The following NEMP2 variants were observed in gnomAD, a reference collection of about 807,000 sequenced individuals.
The protein encoded by NEMP2 is nuclear envelope integral membrane protein 2.
In NEMP2, 53 loss-of-function variants were observed where a neutral mutation model predicts 54.2. That is an observed-to-expected ratio of 0.98 (90% CI 0.78 to 1.23). The LOEUF (loss-of-function observed/expected upper bound fraction) is 1.23. Among genes scored for constraint, NEMP2 ranks in the 50% most tolerant of loss-of-function variants. The pLI, the probability that NEMP2 is intolerant of heterozygous loss-of-function variation, is 0.00. For synonymous variants in NEMP2, 197 were observed against 190.3 expected (o/e 1.04, Z -0.29); for missense variants, 455 against 511.3 (o/e 0.89, Z 1.06).
At chr2:190,623,393 C>G in the NEMP2 span, among the ~76,000 whole-genome samples, 1 of 152,094 alleles carries the variant, frequency 6.6e-6, no homozygotes, top group African/African-American at 2.4e-5. Context: ...AAGCTGGAGG[C>G]ATCACACTAC....
chr2:190,538,217 C>T (rs565250629), upstream of NEMP2, among the ~76,000 whole-genome samples: 18 of 152,174 alleles, frequency 1.2e-4, 1 homozygote, highest in South Asian at 3.5e-3. The surrounding 1 kb of genome is among the most constrained non-coding windows in gnomAD (Gnocchi z 4.1). Flanking sequence ...TAAATGAGAA[C>T]ATGTGATATT....
the NEMP2 span, among the ~76,000 whole-genome samples, chr2:190,600,865 C>T: frequency 1.3e-5 from 2 of 152,090 alleles, no homozygotes; most frequent in Admixed American, 1.3e-4. This position sits in a 1 kb window ranked among gnomAD's most constrained non-coding sequence, Gnocchi z 4.9. Context: ...CGGTGGCAGC[C>T]ATGGCCCAAC....
the NEMP2 span, among the ~76,000 whole-genome samples, chr2:190,461,721 C>A: frequency 1.3e-5 from 2 of 152,194 alleles, no homozygotes; most frequent in Non-Finnish European, 2.9e-5. This position sits in a 1 kb window ranked among gnomAD's most constrained non-coding sequence, Gnocchi z 5.5. Flanking sequence ...GCTCCACTCT[C>A]ATGACTTAAT....
the NEMP2 span, among the ~76,000 whole-genome samples, chr2:190,557,657 G>T: frequency 2.0e-5 from 3 of 152,134 alleles, no homozygotes; most frequent in Non-Finnish European, 4.4e-5. Context: ...CAAAAAGTGG[G>T]CAAAGGATAT....
rs150143618 is a variant in NEMP2 at position 190,520,007 on chromosome 2, GCAC to G, written c.214-827_214-825del. Among the ~76,000 whole-genome samples, 6,276 of 152,004 alleles carry G rather than the reference GCAC, an allele frequency of 0.041. 194 individuals carry two copies. The highest frequency in any genetic ancestry group is 0.054 in the Non-Finnish European group (3,675 of 67,996). ...GTTTTTTTAAAGATATAATTCTATT[GCAC>G]CCTTAATAGACTAACAGTATAGTAG... On this transcript the variant is annotated intron_variant, in intron 2 of 8. Transcript: ENST00000409150. This position sits in a 1 kb window ranked among gnomAD's most constrained non-coding sequence, Gnocchi z 5.4.
In NEMP2 at chr2:190,513,101, C is replaced by A. The variant is rs1690427781; in HGVS notation, c.953+1352G>T. On this transcript the variant is annotated intron_variant, in intron 7 of 8. Coordinates refer to ENST00000409150, the MANE Select transcript of NEMP2 (RefSeq NM_001142645.2). This position sits in a 1 kb window ranked among gnomAD's most constrained non-coding sequence, Gnocchi z 5.3. Reference sequence around the variant, plus strand: ...ATAACTGTTCTCCTGCCACAGGGGCCTCCCCTTTATATCCACCTGCTGTGC... The same window carrying A: ...ATAACTGTTCTCCTGCCACAGGGGCATCCCCTTTATATCCACCTGCTGTGC... 6.6e-6 allele frequency among the ~76,000 whole-genome samples: 1 copy of A among 152,218 alleles called. No homozygotes were observed. Among genetic ancestry groups the A allele is most frequent in the Middle Eastern group, 3.2e-3 (1 of 316 alleles).
chr2:190,551,965 T>G, the NEMP2 span, among the ~76,000 whole-genome samples: 2 of 152,208 alleles, frequency 1.3e-5, no homozygotes, highest in African/African-American at 4.8e-5. Flanking sequence ...CCACTTGGTA[T>G]TTCTCTTTAG....
the NEMP2 span, among the ~76,000 whole-genome samples, chr2:190,549,999 T>A: frequency 6.6e-6 from 1 of 152,182 alleles, no homozygotes; most frequent in Non-Finnish European, 1.5e-5. Flanking sequence ...ACAAATAAAA[T>A]ATCTAATGAT....
the NEMP2 span, among the ~76,000 whole-genome samples, chr2:190,458,345 T>C: frequency 6.6e-6 from 1 of 152,010 alleles, no homozygotes; most frequent in African/African-American, 2.4e-5. This position sits in a 1 kb window ranked among gnomAD's most constrained non-coding sequence, Gnocchi z 5.3. Context: ...TGAGAAGAGA[T>C]TGGGGCCACA....
the NEMP2 span, among the ~76,000 whole-genome samples, chr2:190,563,877 C>T: frequency 6.6e-6 from 1 of 152,262 alleles, no homozygotes; most frequent in Non-Finnish European, 1.5e-5. The surrounding 1 kb of genome is among the most constrained non-coding windows in gnomAD (Gnocchi z 4.3). Context: ...CTGCCAAGGC[C>T]TCCCTACTCT....
rs1690910439 is a variant in NEMP2 at position 190,525,744 on chromosome 2, G to A, written c.98-366C>T. 6.6e-6 allele frequency among the ~76,000 whole-genome samples: 1 copy of A among 152,148 alleles called. No homozygotes were observed. Among genetic ancestry groups the A allele is most frequent in the South Asian group, 2.1e-4 (1 of 4,822 alleles). On this transcript the variant is annotated intron_variant, in intron 1 of 8. Transcript: ENST00000409150. This position sits in a 1 kb window ranked among gnomAD's most constrained non-coding sequence, Gnocchi z 5.0. Reference sequence around the variant, plus strand: ...CAGAAACTAGGAGGTGGGAGTGGGGGTGGGCAGAACCAGCAAGTATGTACA... The same window carrying A: ...CAGAAACTAGGAGGTGGGAGTGGGGATGGGCAGAACCAGCAAGTATGTACA...
the NEMP2 span, among the ~76,000 whole-genome samples, chr2:190,552,423 T>C: frequency 1.3e-5 from 2 of 152,210 alleles, no homozygotes; most frequent in African/African-American, 2.4e-5. Context: ...CAGAACCCAC[T>C]GAATAGATTA....
the NEMP2 span, among the ~76,000 whole-genome samples, chr2:190,490,558 C>A: frequency 1.4e-5 from 2 of 147,788 alleles, no homozygotes. The surrounding 1 kb of genome is among the most constrained non-coding windows in gnomAD (Gnocchi z 4.5). Context: ...GCAAGACTCC[C>A]TCTCAAAAAA....
the NEMP2 span, among the ~76,000 whole-genome samples, chr2:190,634,122 C>G: frequency 1.3e-5 from 2 of 152,102 alleles, no homozygotes; most frequent in African/African-American, 2.4e-5. This position sits in a 1 kb window ranked among gnomAD's most constrained non-coding sequence, Gnocchi z 6.8. Flanking sequence ...CAGGTATTTA[C>G]TATTTCAAAC....
chr2:190,497,600 A>G, the NEMP2 span: 1 of 1,614,082 alleles, frequency 6.2e-7, no homozygotes, highest in Admixed American at 1.7e-5. The surrounding 1 kb of genome is among the most constrained non-coding windows in gnomAD (Gnocchi z 5.2). Flanking sequence ...AGATGTGAAC[A>G]AACCAGCCTG....
chr2:190,562,315 A>T, the NEMP2 span, among the ~76,000 whole-genome samples: 1 of 152,144 alleles, frequency 6.6e-6, no homozygotes, highest in Non-Finnish European at 1.5e-5. This position sits in a 1 kb window ranked among gnomAD's most constrained non-coding sequence, Gnocchi z 5.0. Flanking sequence ...AGTCCCTCCC[A>T]TCTGCCCATA....
the NEMP2 span, among the ~76,000 whole-genome samples, chr2:190,545,215 G>T: frequency 6.8e-6 from 1 of 148,030 alleles, no homozygotes; most frequent in Non-Finnish European, 1.5e-5. Flanking sequence ...ACTCTAGTTT[G>T]TCTCTTGCTT....
Position 190,514,675 on chromosome 2 carries a change from T to C in NEMP2, c.731A>G (p.Tyr244Cys). The change falls in exon 7 of 9, where the codon TAT becomes TGT. Residue 244 changes from tyrosine (Y) to cysteine (C), a missense_variant. By Grantham distance (194) the Tyr-to-Cys change is radical. This residue lies in a region of NEMP2 where 294 missense variants were observed against 333.6 expected (regional missense o/e 0.88). Coordinates refer to ENST00000409150, the MANE Select transcript of NEMP2 (RefSeq NM_001142645.2). This position sits in a 1 kb window ranked among gnomAD's most constrained non-coding sequence, Gnocchi z 5.7. Reference protein sequence around the residue: ...WYENRIYVLGYVLIVGFFSFV... With the variant: ...WYENRIYVLGCVLIVGFFSFV... ...GCTGAAAAATCCAACTATCAAGACA[T>C]AGCCTGGAAAAGTGGAAGAGGTAAA... The C allele has an allele frequency of 6.4e-7, 1 of 1,551,418 alleles. No individual in the cohort carries two copies. The highest frequency in any genetic ancestry group is 8.7e-7 in the Non-Finnish European group (1 of 1,146,810).
In NEMP2 at chr2:190,533,991, A is replaced by G. The variant is rs1691258071; in HGVS notation, c.97+568T>C. The G allele has an allele frequency of 3.0e-6, 3 of 985,034 alleles. No homozygotes were observed. Among genetic ancestry groups the G allele is most frequent in the Non-Finnish European group, 3.6e-6 (3 of 829,912 alleles). The allele number at this position is 985,034 out of a possible 1,614,324, so 61.0% of individuals were successfully genotyped here. A position where few individuals can be genotyped will look rare whatever the true frequency, so the allele number is the denominator to read the frequency against. Reference sequence around the variant, plus strand: ...GCATTGTGCACACGAACACCACAAGAACCTTGTGAGGCCTCATTACCTGCC... The same window carrying G: ...GCATTGTGCACACGAACACCACAAGGACCTTGTGAGGCCTCATTACCTGCC... On this transcript the variant is annotated intron_variant, in intron 1 of 8. Coordinates refer to ENST00000409150, the MANE Select transcript of NEMP2 (RefSeq NM_001142645.2). This position sits in a 1 kb window ranked among gnomAD's most constrained non-coding sequence, Gnocchi z 4.3.
Sources: gnomAD v4.1 joint callset for allele counts (sites outside exome capture counted in the v4.1 genomes callset) on GRCh38, gnomAD v4.1.1 for gene constraint, gnomAD v4.1.1 regional missense constraint, Gnocchi (gnomAD v3.1) non-coding constraint, MANE v1.5 for transcripts, NCBI Gene and HGNC (gene_info 2026-07-23, HGNC 2026-07-21) for gene names.